CNTNAP2: variants seen among roughly 807,000 people sequenced by gnomAD.
CNTNAP2 encodes contactin associated protein 2.
In CNTNAP2, 98 loss-of-function variants were observed where a neutral mutation model predicts 155.2. That is an observed-to-expected ratio of 0.63 (90% CI 0.54 to 0.75). The LOEUF is 0.75. CNTNAP2 is among the 30% of genes least tolerant of loss of function. The probability of loss-of-function intolerance (pLI) is 0.00; values close to 1 mark genes in which losing one functional copy is unlikely to be tolerated. For synonymous variants in CNTNAP2, 651 were observed against 631.2 expected, an observed-to-expected ratio of 1.03 and a Z score of -0.47; for missense variants, 1,727 against 1,688.1, an observed-to-expected ratio of 1.02 and a Z score of -0.40.
At chr7:146,684,638 G>GAAAAAAAA (rs1800562705) in intron 1 of CNTNAP2, among the ~76,000 whole-genome samples, 2 of 4,390 alleles carry the variant, frequency 4.6e-4, no homozygotes, top group East Asian at 4.0e-3. Flanking sequence ...TAGATCCAGC[G>GAAAAAAAA]CAAAAAAAAA....
chr7:147,744,747 C>T (rs528836275), intron 13 of CNTNAP2, among the ~76,000 whole-genome samples: 7 of 152,148 alleles, frequency 4.6e-5, no homozygotes, highest in Non-Finnish European at 1.0e-4. Context: ...ATGGCCTTTC[C>T]TCTGTGCACA....
At chr7:146,845,832 G>T (rs1307576346) in intron 3 of CNTNAP2, among the ~76,000 whole-genome samples, 1 of 152,168 alleles carries the variant, frequency 6.6e-6, no homozygotes, top group Admixed American at 6.5e-5. Context: ...CTCTGTGCCA[G>T]GTGCCATTGC....
At chr7:147,737,441 G>A (rs912083081) in intron 13 of CNTNAP2, among the ~76,000 whole-genome samples, 3 of 152,152 alleles carry the variant, frequency 2.0e-5, no homozygotes, top group Non-Finnish European at 2.9e-5. Context: ...CTACTGGGGG[G>A]TGCCTCCCAG....
chr7:147,656,208 C>T (rs939730310), intron 13 of CNTNAP2, among the ~76,000 whole-genome samples: 7 of 152,230 alleles, frequency 4.6e-5, no homozygotes, highest in African/African-American at 1.7e-4. Context: ...ACCACTAAAA[C>T]TTTCTCCATA....
rs569403085 is a variant in CNTNAP2, at chr7:146,626,919, T to C, written c.98-147352T>C. 2.0e-5 allele frequency among the ~76,000 whole-genome samples: 3 copies of C among 152,248 alleles called. No individual in the cohort carries two copies. In the East Asian group the frequency reaches 5.8e-4, roughly 29 times the overall value. On this transcript the variant is annotated intron_variant, in intron 1 of 23. Transcript: ENST00000361727. ...TAACTTCATTGGGTCATCTCTAATA[T>C]AACATTGCTTCTTTTGTAATTCCAG... is the stretch of plus-strand genomic sequence containing the variant.
intron 1 of CNTNAP2, among the ~76,000 whole-genome samples, chr7:146,400,931 ATCT>A (rs1248195128): frequency 6.6e-6 from 1 of 152,158 alleles, no homozygotes; most frequent in Non-Finnish European, 1.5e-5. Context: ...AAAACTGAGA[ATCT>A]TTTTTGGAAC....
At chr7:146,549,467 G>C (rs541187353) in intron 1 of CNTNAP2, among the ~76,000 whole-genome samples, 3 of 151,976 alleles carry the variant, frequency 2.0e-5, no homozygotes, top group African/African-American at 7.2e-5. Context: ...TGAAAACCAT[G>C]GGTATTATTA....
chr7:148,334,161 G>A (rs1798078262), intron 21 of CNTNAP2, among the ~76,000 whole-genome samples: 1 of 152,208 alleles, frequency 6.6e-6, no homozygotes, highest in South Asian at 2.1e-4. Context: ...TTTTATCAGA[G>A]AGTCTAGTTT....
chr7:147,426,863 T>C (rs566096878), intron 10 of CNTNAP2, among the ~76,000 whole-genome samples: 1 of 152,144 alleles, frequency 6.6e-6, no homozygotes, highest in African/African-American at 2.4e-5. Flanking sequence ...ACTCTTATAC[T>C]CATCCTGTAA....
At chr7:147,659,832 C>A (rs1299301479) in intron 13 of CNTNAP2, among the ~76,000 whole-genome samples, 1 of 152,030 alleles carries the variant, frequency 6.6e-6, no homozygotes, top group African/African-American at 2.4e-5. Context: ...TGCATACTGC[C>A]TTTTTCCCCT....
intron 1 of CNTNAP2, among the ~76,000 whole-genome samples, chr7:146,549,204 G>T (rs1289703243): frequency 6.6e-6 from 1 of 151,798 alleles, no homozygotes; most frequent in Non-Finnish European, 1.5e-5. Context: ...CATATGCTTA[G>T]GATGAACAGT....
rs1276016348 is a variant in CNTNAP2, at chr7:146,958,595, A to G, written c.403-85312A>G. ...CGCCCGGCTAATTTTTTGTATTTTTAGTGGAGACGGGGTTTCACCATGTTA... is the reference window on the plus strand; with the variant it reads ...CGCCCGGCTAATTTTTTGTATTTTTGGTGGAGACGGGGTTTCACCATGTTA... On this transcript the variant is annotated intron_variant, in intron 3 of 23. Transcript: ENST00000361727. Among the ~76,000 whole-genome samples, 4 of 151,694 alleles carry G rather than the reference A, an allele frequency of 2.6e-5. No homozygotes were observed. In the East Asian group the frequency reaches 7.8e-4, roughly 30 times the overall value.
intron 1 of CNTNAP2, among the ~76,000 whole-genome samples, chr7:146,713,202 G>A (rs527866728): frequency 6.6e-6 from 1 of 152,214 alleles, no homozygotes; most frequent in South Asian, 2.1e-4. Context: ...AACAGAATGA[G>A]AAAAGGAAGC....
At chr7:146,540,865 T>C (rs1033211308) in intron 1 of CNTNAP2, among the ~76,000 whole-genome samples, 1 of 152,090 alleles carries the variant, frequency 6.6e-6, no homozygotes, top group African/African-American at 2.4e-5. Context: ...TGTTTCATTA[T>C]GCATATCCTA....
At chr7:146,138,098 C>A (rs1016415090) in intron 1 of CNTNAP2, among the ~76,000 whole-genome samples, 2 of 151,882 alleles carry the variant, frequency 1.3e-5, no homozygotes, top group Non-Finnish European at 2.9e-5. Context: ...AGAAAAGCAT[C>A]CTAAGAGAGA....
At chr7:146,443,905 A>C (rs35859520) in intron 1 of CNTNAP2, among the ~76,000 whole-genome samples, 1 of 152,036 alleles carries the variant, frequency 6.6e-6, no homozygotes, top group Non-Finnish European at 1.5e-5. Context: ...ATAGCCTGTG[A>C]ATATGGCTAG....
At chr7:147,867,768 A>G (rs1038717974) in intron 13 of CNTNAP2, among the ~76,000 whole-genome samples, 4 of 152,112 alleles carry the variant, frequency 2.6e-5, no homozygotes, top group African/African-American at 9.7e-5. Flanking sequence ...CATGCATCAC[A>G]AAGTTCGCGT....
At chr7:147,172,565 T>C (rs1027678698) in intron 8 of CNTNAP2, among the ~76,000 whole-genome samples, 3 of 152,166 alleles carry the variant, frequency 2.0e-5, no homozygotes, top group African/African-American at 7.2e-5. Context: ...TTCATGGTTA[T>C]AATTTCTCAA....
rs755206765 is a variant in CNTNAP2 at position 148,404,528 on chromosome 7, G to A, written c.3716-4863G>A. On this transcript the variant is annotated intron_variant, in intron 22 of 23. Transcript: ENST00000361727. ...GGTACAGCTCACTCAAACCTTTTGCGGGACGGCGAGCACACAGGCAAGTGG... is the reference window on the plus strand; with the variant it reads ...GGTACAGCTCACTCAAACCTTTTGCAGGACGGCGAGCACACAGGCAAGTGG... Among the ~76,000 whole-genome samples the A allele has an allele frequency of 3.4e-4, 52 of 152,128 alleles. 1 individual carries two copies. Among genetic ancestry groups the A allele is most frequent in the Admixed American group, 2.7e-3 (42 of 15,278 alleles).
Sources: gnomAD v4.1 joint callset for allele counts (sites outside exome capture counted in the v4.1 genomes callset) on GRCh38, gnomAD v4.1.1 for gene constraint, MANE v1.5 for transcripts, NCBI Gene and HGNC (gene_info 2026-07-23, HGNC 2026-07-21) for gene names.